MIA2: variants seen among roughly 807,000 people sequenced by gnomAD.
MIA2 encodes MIA SH3 domain ER export factor 2.
A neutral mutation model predicts 167.8 loss-of-function variants in MIA2; 127 were observed. The observed-to-expected ratio is 0.76, with a 90% confidence interval of 0.66 to 0.88. MIA2 has a LOEUF of 0.88. Among genes scored for constraint, MIA2 ranks in the 40% least tolerant of loss-of-function variants. MIA2 has a pLI of 0.00. For missense variants in MIA2, 1,690 were observed against 1,624.7 expected, an observed-to-expected ratio of 1.04 and a Z score of -0.69; for synonymous variants, 552 against 541.9, an observed-to-expected ratio of 1.02 and a Z score of -0.26.
chr14:39,372,921 AGT>A (rs1293003618), intron 23 of MIA2, among the ~76,000 whole-genome samples: 2 of 152,210 alleles, frequency 1.3e-5, no homozygotes, highest in East Asian at 1.9e-4. Context: ...TGCAATAAAA[AGT>A]GTGTGTATTG....
chr14:39,311,386 T>C (rs1419448060), intron 18 of MIA2, among the ~76,000 whole-genome samples: 2 of 130,730 alleles, frequency 1.5e-5, no homozygotes, highest in Non-Finnish European at 3.4e-5. Context: ...GCTTGATGTT[T>C]TTCATGACTG....
At chr14:39,268,446 A>G (rs2056456042) in intron 6 of MIA2, among the ~76,000 whole-genome samples, 1 of 137,126 alleles carries the variant, frequency 7.3e-6, no homozygotes, top group African/African-American at 2.9e-5. Context: ...CTGTTAAGAG[A>G]GAGAAGACAA....
intron 23 of MIA2, among the ~76,000 whole-genome samples, chr14:39,371,895 A>C (rs1391742834): frequency 6.6e-6 from 1 of 152,114 alleles, no homozygotes; most frequent in East Asian, 1.9e-4. Flanking sequence ...GTGTAGGGGC[A>C]ACATCTCTAA....
intron 3 of MIA2, among the ~76,000 whole-genome samples, chr14:39,244,655 T>TA (rs900214250): frequency 6.6e-6 from 1 of 151,302 alleles, no homozygotes; most frequent in African/African-American, 2.4e-5. Context: ...ACATTCAGAT[T>TA]AAAAAAAAAG....
At chr14:39,364,417 GT>G (rs1216950984) in intron 23 of MIA2, among the ~76,000 whole-genome samples, 3 of 149,900 alleles carry the variant, frequency 2.0e-5, no homozygotes, top group African/African-American at 7.3e-5. Flanking sequence ...TTTCTTTCTA[GT>G]TTATTGTGGT....
At chr14:39,288,444 TATATATATATATATATATA>T (rs2060121734) in intron 9 of MIA2, among the ~76,000 whole-genome samples, 3 of 9,790 alleles carry the variant, frequency 3.1e-4, no homozygotes, top group Non-Finnish European at 8.9e-4. Flanking sequence ...TATATATATA[TATATATATATATATATATA>T]TATATATATA....
At chr14:39,281,618 G>A (rs1284446252) in intron 9 of MIA2, among the ~76,000 whole-genome samples, 3 of 139,756 alleles carry the variant, frequency 2.1e-5, no homozygotes, top group Non-Finnish European at 4.5e-5. Flanking sequence ...GTTTTGTTTT[G>A]GTTTTTTTTT....
In MIA2 at chr14:39,293,374, A is replaced by T; in HGVS notation, c.2312A>T (p.Asp771Val). ...GAGAAATCCAAACATTCTGAACAAGATGAATTGGTAAGGCTTTTTTATTTG... is the reference window on the plus strand; with the variant it reads ...GAGAAATCCAAACATTCTGAACAAGTTGAATTGGTAAGGCTTTTTTATTTG... Reference protein sequence around the residue: ...KEEKSKHSEQDELMADISKRI... With the variant: ...KEEKSKHSEQVELMADISKRI... The change falls in exon 11 of 29, where the codon GAT becomes GTT. Residue 771 changes from aspartate (D) to valine (V), a missense_variant. Transcript: ENST00000640607. The T allele has an allele frequency of 3.2e-6, 5 of 1,570,178 alleles. No homozygotes were observed. The highest frequency in any genetic ancestry group is 4.4e-6 in the Non-Finnish European group (5 of 1,146,750).
At chr14:39,253,244 G>A in intron 6 of MIA2, 73 bp downstream of exon 6, 1 of 1,565,696 alleles carries the variant, frequency 6.4e-7, no homozygotes, top group Non-Finnish European at 8.8e-7. Context: ...TACAAAATAT[G>A]TTTGAATGAA....
At chr14:39,386,788 G>T in intron 23 of MIA2, 3 of 1,170,592 alleles carry the variant, frequency 2.6e-6, no homozygotes, top group Non-Finnish European at 3.8e-6. Context: ...GCTTTTCTAA[G>T]TGATAGATTA....
chr14:39,269,545 G>A (rs761220285), intron 6 of MIA2, among the ~76,000 whole-genome samples: 2 of 151,064 alleles, frequency 1.3e-5, no homozygotes, highest in Non-Finnish European at 2.9e-5. Context: ...TTGAGACAGG[G>A]TCTCATCCCT....
intron 25 of MIA2, among the ~76,000 whole-genome samples, chr14:39,344,099 C>T (rs967701200): frequency 8.5e-5 from 13 of 152,196 alleles, no homozygotes; most frequent in Non-Finnish European, 1.6e-4. Flanking sequence ...GTGCCTGACA[C>T]ATACTAGGCC....
At chr14:39,362,473 A>G (rs745593294) in intron 23 of MIA2, among the ~76,000 whole-genome samples, 5 of 152,048 alleles carry the variant, frequency 3.3e-5, no homozygotes, top group Admixed American at 6.6e-5. Context: ...GTTTGTTAGC[A>G]TGTTGTTCAT....
chr14:39,280,911 G>GTTTTTTTTTTTTTTTT (rs751903170), intron 9 of MIA2, among the ~76,000 whole-genome samples: 5 of 60,208 alleles, frequency 8.3e-5, no homozygotes, highest in African/African-American at 1.3e-4. Context: ...TATTAGTTTA[G>GTTTTTTTTTTTTTTTT]TTTTTTTTTT....
At chr14:39,288,254 G>A (rs966399165) in intron 9 of MIA2, among the ~76,000 whole-genome samples, 1 of 150,934 alleles carries the variant, frequency 6.6e-6, no homozygotes, top group Non-Finnish European at 1.5e-5. Context: ...TTGAGCCCAG[G>A]AATTCAAGTC....
intron 6 of MIA2, among the ~76,000 whole-genome samples, chr14:39,263,680 G>A (rs1201577426): frequency 6.9e-6 from 1 of 143,952 alleles, no homozygotes; most frequent in Non-Finnish European, 1.5e-5. Flanking sequence ...CACCGAGGCT[G>A]GAGTGCAGTG....
At chr14:39,305,190 C>T (rs1180548032) in intron 17 of MIA2, among the ~76,000 whole-genome samples, 1 of 152,104 alleles carries the variant, frequency 6.6e-6, no homozygotes, top group Non-Finnish European at 1.5e-5. Flanking sequence ...AAAATTATAT[C>T]CCTACTCACA....
At chr14:39,338,585 A>G (rs1354668097) in intron 25 of MIA2, among the ~76,000 whole-genome samples, 2 of 152,198 alleles carry the variant, frequency 1.3e-5, no homozygotes, top group African/African-American at 4.8e-5. Flanking sequence ...TAATATTCAC[A>G]TATCATATAG....
intron 23 of MIA2, among the ~76,000 whole-genome samples, chr14:39,374,171 A>G (rs1353250358): frequency 6.6e-6 from 1 of 152,256 alleles, no homozygotes; most frequent in East Asian, 1.9e-4. Context: ...GAAGAGCAGC[A>G]ACATTCAAAG....
Sources: allele counts gnomAD v4.1 joint callset (sites outside exome capture counted in the v4.1 genomes callset), GRCh38; gene constraint gnomAD v4.1.1; transcripts MANE v1.5; gene names NCBI Gene and HGNC (gene_info 2026-07-23, HGNC 2026-07-21).